Variants in PEX5 observed in about 807,000 individuals in gnomAD.
The protein encoded by PEX5 is PTS1 receptor.
PEX5 carries 52 observed loss-of-function variants against 82.9 expected under a neutral mutation model. The ratio of observed to expected loss-of-function variants is 0.63; its 90% CI spans 0.50 to 0.79. The LOEUF (loss-of-function observed/expected upper bound fraction) is 0.79. Among genes scored for constraint, PEX5 ranks in the 30% least tolerant of loss-of-function variants. The probability of loss-of-function intolerance (pLI) is 0.00; values close to 1 mark genes in which losing one functional copy is unlikely to be tolerated. For synonymous variants in PEX5, 300 were observed against 318.8 expected (o/e 0.94, Z 0.63); for missense variants, 719 against 815.2 (o/e 0.88, Z 1.44).
chr12:7,191,771 G>A (rs1443165161), intron 5 of PEX5, 71 bp downstream of exon 5: 16 of 1,429,582 alleles, frequency 1.1e-5, no homozygotes, highest in Admixed American at 1.7e-5. Flanking sequence ...CCCTGTTCAC[G>A]TTATAGTGTG....
chr12:7,194,221 C>T (rs188354481), intron 5 of PEX5, among the ~76,000 whole-genome samples: 4 of 151,938 alleles, frequency 2.6e-5, no homozygotes, highest in Admixed American at 2.6e-4. Context: ...AAAATCTCCA[C>T]TGTTAAGAGT....
At chr12:7,208,113 T>C in intron 12 of PEX5, 33 bp downstream of exon 12, 1 of 1,493,456 alleles carries the variant, frequency 6.7e-7, no homozygotes, top group Non-Finnish European at 9.3e-7. Context: ...GTGAGGTGCT[T>C]CCAAGGCTCT....
Position 7,191,309 on chromosome 12 carries a change from T to C in PEX5, c.267T>C (p.Ala89=), listed in dbSNP as rs1173551598. ...CCTTCAAGATGGATGACCTCCTGGC[T>C]GAGATGCAGCAGATTGAGCAGTCAA... ...PQTFKMDDLL[A]EMQQIEQSNF... The change falls in exon 4 of 16, where the codon GCT becomes GCC. Residue 89 remains alanine, a synonymous_variant. Coordinates refer to ENST00000675855, the MANE Select transcript of PEX5 (RefSeq NM_001351132.2). 7 of 1,613,804 alleles carry C rather than the reference T, an allele frequency of 4.3e-6. No homozygotes were observed. The African/African-American group carries it at 8.0e-5, about 18-fold the overall frequency.
Position 7,210,350 on chromosome 12 carries a change from G to C in PEX5, c.*127G>C. On this transcript the variant is annotated 3_prime_UTR_variant, in exon 16 of 16. Transcript: ENST00000675855. ...CCATAAGCGGTACGGCCTTTCAGGA[G>C]CTGCCTCAACGTAGGGGTGGGTAGT... 2 of 845,962 alleles carry C rather than the reference G, an allele frequency of 2.4e-6. No homozygotes were observed. Among genetic ancestry groups the C allele is most frequent in the Non-Finnish European group, 2.0e-6 (1 of 505,654 alleles). The allele number at this position is 845,962 out of a possible 1,614,324, so 52.4% of individuals were successfully genotyped here.
At chr12:7,201,639 G>A in intron 6 of PEX5, 112 bp from the exon 7 acceptor site, 2 of 804,748 alleles carry the variant, frequency 2.5e-6, no homozygotes, top group Non-Finnish European at 4.4e-6. Flanking sequence ...GTTCTCAACA[G>A]GAGAATGGAG....
At chr12:7,213,282 C>A (rs967102105), downstream of PEX5, among the ~76,000 whole-genome samples, 32 of 151,960 alleles carry the variant, frequency 2.1e-4, no homozygotes, top group African/African-American at 2.7e-4. Context: ...AATCCTAAGC[C>A]AAAAGAACAA....
At chr12:7,195,613 G>GTT (rs569657756) in intron 5 of PEX5, among the ~76,000 whole-genome samples, 1,731 of 136,194 alleles carry the variant, frequency 0.013, 46 homozygotes, top group African/African-American at 0.043. Flanking sequence ...TGTTTTTTCT[G>GTT]TTTTTTTTTT....
chr12:7,206,738 GTCTT>G (rs2136216486), intron 10 of PEX5, among the ~76,000 whole-genome samples: 1 of 152,220 alleles, frequency 6.6e-6, no homozygotes, highest in South Asian at 2.1e-4. Context: ...AGGGCCTCAT[GTCTT>G]TATTTTGTAC....
At chr12:7,208,133 CT>C in intron 12 of PEX5, 53 bp downstream of exon 12, 1 of 1,328,056 alleles carries the variant, frequency 7.5e-7, no homozygotes. Context: ...TGCATATAAC[CT>C]TTTGAATGAC....
At position 7,207,697 on chromosome 12, in the gene PEX5, C is replaced by A. The variant is rs1944986453; in HGVS notation, c.1005C>A (p.His335Gln). Residue 335 changes from histidine to glutamine, a missense_variant, in exon 11 of 16, where the codon CAC becomes CAA. Transcript: ENST00000675855. ...AGGAGGAGAACCCCTTGCGTGATCACCCTCAGCCTTTTGAAGAAGGGCTGC... is the reference window on the plus strand; with the variant it reads ...AGGAGGAGAACCCCTTGCGTGATCAACCTCAGCCTTTTGAAGAAGGGCTGC... The part of the protein sequence containing the change: ...QFEEENPLRD[H>Q]PQPFEEGLRR... 6.2e-7 allele frequency: 1 copy of A among 1,614,114 alleles called. No homozygotes were observed. The highest frequency in any genetic ancestry group is 1.6e-4 in the Middle Eastern group (1 of 6,062).
chr12:7,212,463 A>AG (rs1491527013), downstream of PEX5, among the ~76,000 whole-genome samples: 3 of 22,186 alleles, frequency 1.4e-4, no homozygotes, highest in Admixed American at 1.7e-3. Flanking sequence ...AAAAGCTGCC[A>AG]GAAAAAAAAA....
In PEX5 at chr12:7,191,635, C is replaced by G; in HGVS notation, c.383C>G (p.Ala128Gly). Residue 128 changes from alanine to glycine, a missense_variant, in exon 5 of 16, where the codon GCT becomes GGT. By Grantham distance (60) the Ala-to-Gly change is moderately conservative (BLOSUM62 0). Transcript: ENST00000675855. ...CAGGAGTTTCTTGCAGCTGGAGATG[C>G]TGTGGATGTAACTCAGGATTATAAT... ...WAQEFLAAGD[A>G]VDVTQDYNET... 1 of 1,613,114 alleles carries G rather than the reference C, an allele frequency of 6.2e-7. No individual in the cohort carries two copies. The highest frequency in any genetic ancestry group is 1.1e-5 in the South Asian group (1 of 91,062).
chr12:7,193,234 C>CTTT (rs11339507), intron 5 of PEX5, among the ~76,000 whole-genome samples: 8 of 121,108 alleles, frequency 6.6e-5, no homozygotes, highest in African/African-American at 2.4e-4. Flanking sequence ...TCTTGAGATT[C>CTTT]TTTTTTTTTT....
In PEX5 at chr12:7,189,711, A is replaced by C. The variant is rs1189952599; in HGVS notation, c.-56A>C. Reference sequence around the variant, plus strand: ...CTCTTCTCCCCTCCCCCAAGCCAGCACCTGGTGCCCCGGCGGGTCGTGCGG... The same window carrying C: ...CTCTTCTCCCCTCCCCCAAGCCAGCCCCTGGTGCCCCGGCGGGTCGTGCGG... On this transcript the variant is annotated 5_prime_UTR_variant, in exon 1 of 16. Transcript: ENST00000675855. 1 of 364,564 alleles carries C rather than the reference A, an allele frequency of 2.7e-6. No homozygotes were observed. Among genetic ancestry groups the C allele is most frequent in the Non-Finnish European group, 4.8e-6 (1 of 208,168 alleles). 22.6% of individuals were successfully genotyped at this position (364,564 alleles called of 1,614,324 possible).
At position 7,202,364 on chromosome 12, in the gene PEX5, C is replaced by T. The variant is rs747606192; in HGVS notation, c.753+13C>T. On this transcript the variant is annotated intron_variant, in intron 8 of 15. Coordinates refer to ENST00000675855, the MANE Select transcript of PEX5 (RefSeq NM_001351132.2). ...TATACAGCAGCAGGTAGGACATTGT[C>T]ACTTTCCAGTCCCACTTCAGAGCCA... The T allele has an allele frequency of 1.1e-5, 17 of 1,613,848 alleles. No homozygotes were observed.
At chr12:7,207,981 G>A (rs1385554915) in intron 11 of PEX5, 29 bp from the exon 12 acceptor site, 1 of 1,588,860 alleles carries the variant, frequency 6.3e-7, no homozygotes. Context: ...GTGAATATGG[G>A]GTGATGGAAT....
intron 8 of PEX5, 100 bp downstream of exon 8, chr12:7,202,451 G>T: frequency 6.7e-7 from 1 of 1,500,620 alleles, no homozygotes; most frequent in African/African-American, 1.4e-5. Context: ...GATAAGACCA[G>T]CTTGTCTTGA....
chr12:7,208,984 G>GT (rs1236817063), intron 13 of PEX5, 21 bp from the exon 14 acceptor site: 75 of 1,612,184 alleles, frequency 4.7e-5, no homozygotes, highest in Non-Finnish European at 6.2e-5. Context: ...CCTACTTTGT[G>GT]TTTTTTTCCT....
At chr12:7,203,794 A>G (rs900102001) in intron 10 of PEX5, among the ~76,000 whole-genome samples, 1 of 152,218 alleles carries the variant, frequency 6.6e-6, no homozygotes, top group African/African-American at 2.4e-5. Flanking sequence ...ACACCTGTGA[A>G]GGAGGTTTGC....
Sources: allele counts gnomAD v4.1 joint callset (sites outside exome capture counted in the v4.1 genomes callset), GRCh38; gene constraint gnomAD v4.1.1; transcripts MANE v1.5; gene names NCBI Gene and HGNC (gene_info 2026-07-23, HGNC 2026-07-21).